The following DLGAP2 variants were observed in gnomAD, a reference collection of about 807,000 sequenced individuals.
DLGAP2 encodes DLG associated protein 2.
In DLGAP2, 26 loss-of-function variants were observed where a neutral mutation model predicts 100.3. The ratio of observed to expected loss-of-function variants is 0.26; its 90% CI spans 0.19 to 0.36. The LOEUF (loss-of-function observed/expected upper bound fraction) is 0.36. Ranked by LOEUF, DLGAP2 falls within the 10% of genes least tolerant of loss-of-function variation. The pLI, the probability that DLGAP2 is intolerant of heterozygous loss-of-function variation, is 1.00. For missense variants in DLGAP2, 1,858 were observed against 1,453.2 expected (o/e 1.28, Z -4.53); for synonymous variants, 886 against 630.1 (o/e 1.41, Z -6.08).
intron 12 of DLGAP2, chr8:1,680,790 A>G (rs911782864): frequency 1.3e-5 from 2 of 152,262 alleles, no homozygotes; most frequent in African/African-American, 4.8e-5. Flanking sequence ...CAACTTGGCC[A>G]AATTGTCTTA....
At chr8:1,565,368 G>C in intron 5 of DLGAP2, 1 of 280,008 alleles carries the variant, frequency 3.6e-6, no homozygotes, top group Non-Finnish European at 6.6e-6. Context: ...TTATACCAGA[G>C]GGAAATAAAA....
intron 1 of DLGAP2, among the ~76,000 whole-genome samples, chr8:857,384 A>G (rs1797299415): frequency 6.6e-6 from 1 of 152,238 alleles, no homozygotes; most frequent in South Asian, 2.1e-4. Flanking sequence ...CACTCTTCAG[A>G]GGATGGAACA....
At chr8:950,306 G>A (rs1799446121) in intron 2 of DLGAP2, among the ~76,000 whole-genome samples, 4 of 152,158 alleles carry the variant, frequency 2.6e-5, no homozygotes, top group Admixed American at 2.6e-4. Flanking sequence ...GATACAATTT[G>A]ACAGGGACGC....
intron 1 of DLGAP2, among the ~76,000 whole-genome samples, chr8:779,475 T>G (rs1821628371): frequency 6.6e-6 from 1 of 151,436 alleles, no homozygotes; most frequent in African/African-American, 2.4e-5. Flanking sequence ...TTCTTTTTTT[T>G]TTTTTTCAGA....
chr8:1,549,825 G>A, intron 5 of DLGAP2, 142 bp downstream of exon 5: 2 of 1,014,772 alleles, frequency 2.0e-6, no homozygotes, highest in Non-Finnish European at 1.4e-6. Context: ...TATGTTCTGG[G>A]ACAGCTCCAC....
intron 2 of DLGAP2, among the ~76,000 whole-genome samples, chr8:1,159,899 A>C (rs1412512752): frequency 2.0e-5 from 3 of 152,200 alleles, no homozygotes; most frequent in Non-Finnish European, 2.9e-5. Flanking sequence ...CATGGACACC[A>C]GGCTGTAGAA....
At chr8:1,466,869 T>C (rs28711964) in intron 3 of DLGAP2, among the ~76,000 whole-genome samples, 36,580 of 152,054 alleles carry the variant, frequency 0.24, 4,525 homozygotes, top group African/African-American at 0.3. Flanking sequence ...TTCTTTCTTT[T>C]TTCTACTTTT....
At position 1,654,408 on chromosome 8, in the gene DLGAP2, T is replaced by C. The variant is rs149725736; in HGVS notation, c.1811-13921T>C. ...CGGGCATGGTGGCTCACGCCTGTAA[T>C]CTCAGCACTTTGGGAGGCAGAGGCG... On this transcript the variant is annotated intron_variant, in intron 8 of 14. Coordinates refer to ENST00000637795, the MANE Select transcript of DLGAP2 (RefSeq NM_001346810.2). 2.8e-4 allele frequency among the ~76,000 whole-genome samples: 43 copies of C among 152,296 alleles called. No homozygotes were observed. The East Asian group carries it at 6.8e-3, about 24-fold the overall frequency.
intron 2 of DLGAP2, among the ~76,000 whole-genome samples, chr8:1,044,119 A>G (rs1401490594): frequency 6.6e-6 from 1 of 152,084 alleles, no homozygotes; most frequent in African/African-American, 2.4e-5. Flanking sequence ...GGATGGTGAG[A>G]TACTACCACA....
chr8:1,453,585 A>T (rs556172197), intron 3 of DLGAP2, among the ~76,000 whole-genome samples: 1 of 152,252 alleles, frequency 6.6e-6, no homozygotes, highest in South Asian at 2.1e-4. Flanking sequence ...GAGTTTGGTG[A>T]CACCTTACAG....
intron 3 of DLGAP2, among the ~76,000 whole-genome samples, chr8:1,460,127 C>T (rs759660094): frequency 3.9e-5 from 6 of 152,168 alleles, no homozygotes; most frequent in African/African-American, 7.2e-5. Flanking sequence ...CTCGGTTCTG[C>T]GGCCCCGGGC....
chr8:1,360,815 C>A (rs1468946691), intron 3 of DLGAP2, among the ~76,000 whole-genome samples: 2 of 152,152 alleles, frequency 1.3e-5, no homozygotes, highest in Non-Finnish European at 1.5e-5. Context: ...AGGAAACAGT[C>A]GCCCTGAGGC....
intron 2 of DLGAP2, among the ~76,000 whole-genome samples, chr8:1,189,104 T>C (rs1343069067): frequency 7.3e-6 from 1 of 137,228 alleles, no homozygotes; most frequent in South Asian, 2.3e-4. Flanking sequence ...GGGGTTGACC[T>C]TACACAGGGT....
intron 4 of DLGAP2, among the ~76,000 whole-genome samples, chr8:1,538,116 G>GCTGCTGGGGCTGCCGAT (rs1563208062): frequency 6.6e-6 from 1 of 151,962 alleles, no homozygotes; most frequent in Non-Finnish European, 1.5e-5. Flanking sequence ...GGGCTGCCGA[G>GCTGCTGGGGCTGCCGAT]GCACTCATGT....
At chr8:1,087,412 C>T (rs1215740280) in intron 2 of DLGAP2, among the ~76,000 whole-genome samples, 3 of 152,218 alleles carry the variant, frequency 2.0e-5, no homozygotes, top group African/African-American at 7.2e-5. Context: ...CTGTGTTCCT[C>T]ACTCCAGCTC....
intron 12 of DLGAP2, among the ~76,000 whole-genome samples, chr8:1,689,957 GAA>G (rs1435424043): frequency 6.6e-6 from 1 of 152,230 alleles, no homozygotes; most frequent in Non-Finnish European, 1.5e-5. Flanking sequence ...GCACTGGTAA[GAA>G]ATGGGTTCCA....
intron 2 of DLGAP2, among the ~76,000 whole-genome samples, chr8:1,210,218 C>A (rs1329331629): frequency 1.3e-5 from 2 of 152,088 alleles, no homozygotes; most frequent in African/African-American, 2.4e-5. Flanking sequence ...TCCCATCCGT[C>A]CAGGGCTCAG....
chr8:1,456,742 C>T (rs910056946), intron 3 of DLGAP2, among the ~76,000 whole-genome samples: 43 of 151,690 alleles, frequency 2.8e-4, no homozygotes, highest in Non-Finnish European at 5.7e-4. Flanking sequence ...GGTCGTTGGA[C>T]GTCAGCAGGC....
chr8:1,169,455 C>G (rs1797083839), intron 2 of DLGAP2, among the ~76,000 whole-genome samples: 1 of 152,156 alleles, frequency 6.6e-6, no homozygotes, highest in African/African-American at 2.4e-5. Flanking sequence ...GGCATTGAAT[C>G]TATCAATTAC....
Sources: allele counts gnomAD v4.1 joint callset (sites outside exome capture counted in the v4.1 genomes callset), GRCh38; gene constraint gnomAD v4.1.1; transcripts MANE v1.5; gene names NCBI Gene and HGNC (gene_info 2026-07-23, HGNC 2026-07-21).